HHAT: variants seen among roughly 807,000 people sequenced by gnomAD.
HHAT encodes the protein protein-cysteine N-palmitoyltransferase HHAT.
A neutral mutation model predicts 70.8 loss-of-function variants in HHAT; 47 were observed. That is an observed-to-expected ratio of 0.66 (90% CI 0.53 to 0.85). The LOEUF (loss-of-function observed/expected upper bound fraction) is 0.85. HHAT is among the 40% of genes least tolerant of loss of function. The pLI, the probability that HHAT is intolerant of heterozygous loss-of-function variation, is 0.00. For synonymous variants in HHAT, 228 were observed against 247.6 expected (o/e 0.92, Z 0.74); for missense variants, 609 against 604.8 (o/e 1.01, Z -0.07).
At chr1:210,527,851 TG>T (rs1373269845) in intron 9 of HHAT, among the ~76,000 whole-genome samples, 1 of 152,230 alleles carries the variant, frequency 6.6e-6, no homozygotes, top group African/African-American at 2.4e-5. Flanking sequence ...TTTCCCCATC[TG>T]TGAAATGGAG....
At chr1:210,347,307 C>T (rs762828514) in intron 1 of HHAT, among the ~76,000 whole-genome samples, 57 of 152,202 alleles carry the variant, frequency 3.7e-4, no homozygotes, top group Non-Finnish European at 7.3e-4. Flanking sequence ...CATTTGTCAT[C>T]TATAAAATGC....
intron 8 of HHAT, among the ~76,000 whole-genome samples, chr1:210,489,922 A>G (rs1382404786): frequency 6.6e-6 from 1 of 152,196 alleles, no homozygotes; most frequent in African/African-American, 2.4e-5. Context: ...ATTATTTCAG[A>G]TCAGTTGAGT....
At chr1:210,667,380 C>CAATCAATAAATA (rs1679135291) in intron 11 of HHAT, among the ~76,000 whole-genome samples, 1 of 150,374 alleles carries the variant, frequency 6.7e-6, no homozygotes, top group Non-Finnish European at 1.5e-5. Flanking sequence ...GAAACTCCGT[C>CAATCAATAAATA]AATAAATAAA....
intron 11 of HHAT, among the ~76,000 whole-genome samples, chr1:210,661,355 C>T (rs1030851774): frequency 2.6e-5 from 4 of 152,170 alleles, no homozygotes; most frequent in South Asian, 4.1e-4. Context: ...AATGAGATAC[C>T]ATCTCACACC....
At chr1:210,545,670 C>T (rs191249130) in intron 9 of HHAT, among the ~76,000 whole-genome samples, 60 of 152,220 alleles carry the variant, frequency 3.9e-4, no homozygotes, top group African/African-American at 1.4e-3. Flanking sequence ...CTCCTGGGAA[C>T]AAGAGATCCA....
At chr1:210,628,379 A>G (rs1395826310) in intron 11 of HHAT, among the ~76,000 whole-genome samples, 1 of 152,194 alleles carries the variant, frequency 6.6e-6, no homozygotes, top group African/African-American at 2.4e-5. Context: ...GGCCTGGATC[A>G]CTGGGGTGAT....
chr1:210,416,177 C>G (rs531996226), intron 6 of HHAT, among the ~76,000 whole-genome samples: 1 of 152,304 alleles, frequency 6.6e-6, no homozygotes, highest in Admixed American at 6.5e-5. Context: ...GTGTAGCTCT[C>G]TCTTTCCCGC....
chr1:210,530,085 A>T (rs1164117033), intron 9 of HHAT, among the ~76,000 whole-genome samples: 2 of 152,194 alleles, frequency 1.3e-5, no homozygotes, highest in African/African-American at 4.8e-5. Flanking sequence ...TGCCAGTTCA[A>T]ATGTTTCTGC....
intron 9 of HHAT, among the ~76,000 whole-genome samples, chr1:210,542,496 A>AAAAAT (rs56743887): frequency 0.1 from 15,581 of 148,648 alleles, 1,070 homozygotes; most frequent in Middle Eastern, 0.19. Flanking sequence ...TTAAAAAAAA[A>AAAAAT]ATATATATAT....
chr1:210,638,433 ATGT>A (rs1312552757), intron 11 of HHAT, among the ~76,000 whole-genome samples: 2 of 152,234 alleles, frequency 1.3e-5, no homozygotes, highest in Non-Finnish European at 2.9e-5. Flanking sequence ...AAAGGACCAC[ATGT>A]TGTTGATTCT....
chr1:210,547,223 G>A (rs1190379548), intron 9 of HHAT, among the ~76,000 whole-genome samples: 1 of 150,252 alleles, frequency 6.7e-6, no homozygotes, highest in Non-Finnish European at 1.5e-5. Flanking sequence ...CAGCTACTCA[G>A]GAGGCTGAGG....
intron 10 of HHAT, among the ~76,000 whole-genome samples, chr1:210,611,233 T>C (rs1573716092): frequency 6.6e-6 from 1 of 152,296 alleles, no homozygotes; most frequent in South Asian, 2.1e-4. Flanking sequence ...ACTTCCCTTG[T>C]TAGCTGTATT....
intron 9 of HHAT, among the ~76,000 whole-genome samples, chr1:210,523,261 T>C (rs1313550783): frequency 6.6e-6 from 1 of 152,124 alleles, no homozygotes; most frequent in Non-Finnish European, 1.5e-5. Flanking sequence ...TGGGACCAAA[T>C]GCTGTTTTTT....
intron 11 of HHAT, among the ~76,000 whole-genome samples, chr1:210,670,518 ACAGTACCTAACTG>A (rs1214084202): frequency 6.6e-6 from 1 of 152,204 alleles, no homozygotes; most frequent in Non-Finnish European, 1.5e-5. Context: ...AAGCTCAGGG[ACAGTACCTAACTG>A]CATTGGGATA....
At chr1:210,496,004 C>CT (rs1334802883) in intron 8 of HHAT, among the ~76,000 whole-genome samples, 1 of 37,916 alleles carries the variant, frequency 2.6e-5, no homozygotes, top group Non-Finnish European at 4.9e-5. Flanking sequence ...GAGTCAAACT[C>CT]TATCTCAAAA....
rs758558162 is a variant in HHAT at position 210,510,927 on chromosome 1, C to T, written c.1008-2226C>T. Among the ~76,000 whole-genome samples the T allele has an allele frequency of 6.6e-5, 10 of 152,242 alleles. No individual in the cohort carries two copies. In the South Asian group the frequency reaches 1.2e-3, roughly 19 times the overall value. On this transcript the variant is annotated intron_variant, in intron 8 of 11. Coordinates refer to ENST00000261458, the MANE Select transcript of HHAT (RefSeq NM_018194.6). ...CGGAATAGAGTCTGTTGGTCTCTGT[C>T]GCTAATGTAATTGAAAAGGCTCTAC...
intron 8 of HHAT, among the ~76,000 whole-genome samples, chr1:210,467,494 C>T (rs55919265): frequency 0.025 from 3,844 of 152,284 alleles, 163 homozygotes; most frequent in African/African-American, 0.087. Context: ...CTATTAACAG[C>T]TAACCTTACT....
chr1:210,587,001 C>T (rs1221418670), intron 9 of HHAT, among the ~76,000 whole-genome samples: 1 of 152,180 alleles, frequency 6.6e-6, no homozygotes, highest in Non-Finnish European at 1.5e-5. Context: ...ACGACTGCTT[C>T]TGGGCAACCT....
At chr1:210,615,177 T>G (rs980020918) in intron 10 of HHAT, among the ~76,000 whole-genome samples, 1 of 152,208 alleles carries the variant, frequency 6.6e-6, no homozygotes, top group Non-Finnish European at 1.5e-5. Flanking sequence ...GATGAGCATT[T>G]TTTCCTGTGT....
Sources: allele counts gnomAD v4.1 joint callset (sites outside exome capture counted in the v4.1 genomes callset), GRCh38; gene constraint gnomAD v4.1.1; transcripts MANE v1.5; gene names NCBI Gene and HGNC (gene_info 2026-07-23, HGNC 2026-07-21).